SLC25A33: variants seen among roughly 807,000 people sequenced by gnomAD.
SLC25A33 encodes solute carrier family 25 member 33.
SLC25A33 carries 15 observed loss-of-function variants against 35.5 expected under a neutral mutation model. The ratio of observed to expected loss-of-function variants is 0.42; its 90% CI spans 0.28 to 0.65. The LOEUF (loss-of-function observed/expected upper bound fraction) is 0.65, where lower values mean the gene tolerates loss of function less well. Among genes scored for constraint, SLC25A33 ranks in the 30% least tolerant of loss-of-function variants. The pLI, the probability that SLC25A33 is intolerant of heterozygous loss-of-function variation, is 0.20. For synonymous variants in SLC25A33, 136 were observed against 148.7 expected (o/e 0.91, Z 0.62); for missense variants, 257 against 398.5 (o/e 0.64, Z 3.02).
chr1:9,561,922 T>C (rs1258281974), intron 2 of SLC25A33, among the ~76,000 whole-genome samples: 1 of 152,134 alleles, frequency 6.6e-6, no homozygotes, highest in Non-Finnish European at 1.5e-5. Context: ...GACAGCTCGA[T>C]CGTTTAAAAG....
At chr1:9,562,064 A>AAAAAAAG (rs1553146522) in intron 2 of SLC25A33, among the ~76,000 whole-genome samples, 1 of 150,102 alleles carries the variant, frequency 6.7e-6, no homozygotes, top group African/African-American at 2.5e-5. Context: ...AAAAAAAAAA[A>AAAAAAAG]GGGGCAATAT....
intron 1 of SLC25A33, among the ~76,000 whole-genome samples, chr1:9,540,836 CT>C (rs1355917295): frequency 6.6e-6 from 1 of 152,136 alleles, no homozygotes; most frequent in African/African-American, 2.4e-5. Context: ...CGTCCCTGAG[CT>C]TTTTTTGTAC....
At chr1:9,563,364 A>G (rs1408614860) in intron 2 of SLC25A33, among the ~76,000 whole-genome samples, 1 of 152,184 alleles carries the variant, frequency 6.6e-6, no homozygotes, top group African/African-American at 2.4e-5. Flanking sequence ...TAAACATCCA[A>G]AAATTAGGAG....
chr1:9,546,212 T>C (rs1330044265), intron 1 of SLC25A33, among the ~76,000 whole-genome samples: 3 of 119,086 alleles, frequency 2.5e-5, no homozygotes, highest in Non-Finnish European at 4.9e-5. Flanking sequence ...TGAAACGGAG[T>C]CTCGCTCTGT....
chr1:9,553,910 C>A, intron 2 of SLC25A33, 105 bp downstream of exon 2: 1 of 1,251,540 alleles, frequency 8.0e-7, no homozygotes, highest in Non-Finnish European at 1.1e-6. Context: ...GTTTGCATAG[C>A]CTTGGTCCTA....
At chr1:9,570,182 T>A (rs1180751690) in intron 3 of SLC25A33, 76 bp from the exon 4 acceptor site, 24 of 1,348,236 alleles carry the variant, frequency 1.8e-5, no homozygotes, top group Non-Finnish European at 2.3e-5. Flanking sequence ...TTTCCGAAAA[T>A]TTTTCAGGTG....
chr1:9,563,338 C>G (rs925471916), intron 2 of SLC25A33, among the ~76,000 whole-genome samples: 1 of 152,166 alleles, frequency 6.6e-6, no homozygotes, highest in Non-Finnish European at 1.5e-5. Flanking sequence ...CTTGAAGGTA[C>G]AGATATTCTT....
chr1:9,550,815 G>A (rs569546666), intron 1 of SLC25A33, among the ~76,000 whole-genome samples: 3 of 151,850 alleles, frequency 2.0e-5, no homozygotes, highest in South Asian at 2.1e-4. Flanking sequence ...GGGACTACAG[G>A]CGCACATCAC....
chr1:9,573,248 T>C (rs1215819599), intron 4 of SLC25A33, 98 bp from the exon 5 acceptor site: 1 of 825,788 alleles, frequency 1.2e-6, no homozygotes, highest in Non-Finnish European at 1.9e-6. Flanking sequence ...ATTAGGCCAT[T>C]GAAATCCCTA....
chr1:9,548,357 G>A (rs893157917), intron 1 of SLC25A33, among the ~76,000 whole-genome samples: 2 of 152,174 alleles, frequency 1.3e-5, no homozygotes, highest in South Asian at 2.1e-4. Flanking sequence ...CCAGGCGGGC[G>A]CATCTCCTGA....
intron 1 of SLC25A33, among the ~76,000 whole-genome samples, chr1:9,551,460 C>G (rs925094555): frequency 2.0e-5 from 3 of 152,212 alleles, no homozygotes; most frequent in Non-Finnish European, 4.4e-5. Flanking sequence ...GCGTTAGGTA[C>G]TAGGTTTGCT....
intron 5 of SLC25A33, among the ~76,000 whole-genome samples, chr1:9,579,598 G>A (rs527598046): frequency 4.4e-4 from 67 of 152,270 alleles, no homozygotes; most frequent in African/African-American, 1.5e-3. Flanking sequence ...GCCTCCATGC[G>A]ATCAGCTCTG....
Position 9,539,577 on chromosome 1 carries a change from T to C in SLC25A33, c.-115T>C. The C allele has an allele frequency of 5.1e-6, 4 of 784,792 alleles. No homozygotes were observed. The highest frequency in any genetic ancestry group is 9.5e-4 in the Middle Eastern group (2 of 2,114). 48.6% of individuals were successfully genotyped at this position (784,792 alleles called of 1,614,324 possible). A position where few individuals can be genotyped will look rare whatever the true frequency, so the allele number is the denominator to read the frequency against. On this transcript the variant is annotated 5_prime_UTR_variant, in exon 1 of 7. Transcript: ENST00000302692. ...GGAGCCCGCGCGCGCATGGAGGCGT[T>C]GCCGGCAGCCCCCTGAGGGCAGCGG...
chr1:9,574,487 T>C (rs1355049004), intron 5 of SLC25A33, among the ~76,000 whole-genome samples: 2 of 152,270 alleles, frequency 1.3e-5, no homozygotes, highest in East Asian at 3.8e-4. Context: ...CAGTAACTAC[T>C]ATAATTTCTA....
At chr1:9,543,903 C>T (rs1022010396) in intron 1 of SLC25A33, among the ~76,000 whole-genome samples, 1 of 152,002 alleles carries the variant, frequency 6.6e-6, no homozygotes, top group Non-Finnish European at 1.5e-5. Flanking sequence ...GTCAGGAGTT[C>T]GAGACCAGCC....
chr1:9,554,588 A>C (rs1202499592), intron 2 of SLC25A33, among the ~76,000 whole-genome samples: 2 of 145,430 alleles, frequency 1.4e-5, no homozygotes, highest in Non-Finnish European at 3.0e-5. Flanking sequence ...CAAACTCCCA[A>C]CCTCAGGTGA....
chr1:9,575,248 T>G, intron 5 of SLC25A33, among the ~76,000 whole-genome samples: 1 of 149,256 alleles, frequency 6.7e-6, no homozygotes, highest in African/African-American at 2.5e-5. Context: ...AGAACCCCTG[T>G]ATTACTGTGT....
intron 5 of SLC25A33, chr1:9,576,592 TG>T: frequency 1.8e-6 from 1 of 571,112 alleles, no homozygotes; most frequent in Admixed American, 1.9e-5. Context: ...TGCCACACGG[TG>T]GGGTAACAGA....
intron 1 of SLC25A33, among the ~76,000 whole-genome samples, chr1:9,551,140 T>TG (rs1643261675): frequency 6.6e-6 from 1 of 151,534 alleles, no homozygotes; most frequent in Non-Finnish European, 1.5e-5. Context: ...CCCAGCACTT[T>TG]GGGAGGCCAA....
Sources: gnomAD v4.1 joint callset for allele counts (sites outside exome capture counted in the v4.1 genomes callset) on GRCh38, gnomAD v4.1.1 for gene constraint, MANE v1.5 for transcripts, NCBI Gene and HGNC (gene_info 2026-07-23, HGNC 2026-07-21) for gene names.